The following FAM227B variants were observed in gnomAD, a reference collection of about 807,000 sequenced individuals.
FAM227B encodes family with sequence similarity 227 member B, also known as protein FAM227B.
A neutral mutation model predicts 73.8 loss-of-function variants in FAM227B; 88 were observed. That is an observed-to-expected ratio of 1.19 (90% CI 1.00 to 1.42). The LOEUF (loss-of-function observed/expected upper bound fraction) is 1.42, where lower values mean the gene tolerates loss of function less well. Among genes scored for constraint, FAM227B ranks in the 40% most tolerant of loss-of-function variants. FAM227B has a pLI of 0.00. For missense variants in FAM227B, 632 were observed against 590.9 expected, an observed-to-expected ratio of 1.07 and a Z score of -0.72; for synonymous variants, 210 against 190.5, an observed-to-expected ratio of 1.10 and a Z score of -0.84.
chr15:49,341,112 CATCAGTCTATGTG>C (rs2040659692), intron 13 of FAM227B, among the ~76,000 whole-genome samples: 1 of 152,132 alleles, frequency 6.6e-6, no homozygotes, highest in African/African-American at 2.4e-5. Context: ...TATTCTGTTT[CATCAGTCTATGTG>C]TCTGTTGTTG....
chr15:49,495,374 C>A (rs2057507726), intron 11 of FAM227B, among the ~76,000 whole-genome samples: 1 of 152,062 alleles, frequency 6.6e-6, no homozygotes, highest in African/African-American at 2.4e-5. Context: ...AAATTTCTAC[C>A]AAATTTCCGG....
intron 3 of FAM227B, among the ~76,000 whole-genome samples, chr15:49,594,574 T>G (rs769791925): frequency 6.6e-6 from 1 of 152,198 alleles, no homozygotes; most frequent in East Asian, 1.9e-4. Flanking sequence ...ACTTAAGTCT[T>G]TGATCCATCT....
intron 11 of FAM227B, among the ~76,000 whole-genome samples, chr15:49,451,798 A>C (rs1435958264): frequency 6.6e-6 from 1 of 152,198 alleles, no homozygotes; most frequent in East Asian, 1.9e-4. Context: ...AGTAATACTT[A>C]TATAGCAATC....
intron 11 of FAM227B, among the ~76,000 whole-genome samples, chr15:49,426,933 T>G (rs1157926556): frequency 1.3e-5 from 2 of 151,998 alleles, no homozygotes; most frequent in African/African-American, 4.8e-5. Flanking sequence ...AAAACTGTCG[T>G]AAGGTTATGT....
At position 49,471,228 on chromosome 15, in the gene FAM227B, G is replaced by A. The variant is rs35308947; in HGVS notation, c.1012+36983C>T. On this transcript the variant is annotated intron_variant, in intron 11 of 15. Transcript: ENST00000299338. ...AGGCCGGATACAGTGACTCGTGCCT[G>A]TAATCCCAGCACTTTGGGAGGCCGA... Among the ~76,000 whole-genome samples the A allele has an allele frequency of 4.6e-3, 677 of 147,764 alleles. 4 individuals carry two copies. Among genetic ancestry groups the A allele is most frequent in the Admixed American group, 0.01 (149 of 14,334 alleles).
At chr15:49,473,229 C>T (rs11854671) in intron 11 of FAM227B, among the ~76,000 whole-genome samples, 38,545 of 151,966 alleles carry the variant, frequency 0.25, 5,747 homozygotes, top group Non-Finnish European at 0.35. Flanking sequence ...GTTTAGTTAA[C>T]TCATCCTTTT....
chr15:49,329,369 T>G, intron 15 of FAM227B: 21 of 985,320 alleles, frequency 2.1e-5, no homozygotes, highest in Non-Finnish European at 2.5e-5. Flanking sequence ...GCTGAAATAC[T>G]CAGGTAATTG....
At chr15:49,521,238 G>A (rs949343205) in intron 10 of FAM227B, among the ~76,000 whole-genome samples, 7 of 152,182 alleles carry the variant, frequency 4.6e-5, no homozygotes, top group African/African-American at 1.7e-4. Context: ...GGCAATCACA[G>A]GGGACCAGCC....
At chr15:49,445,597 T>C (rs1267248332) in intron 11 of FAM227B, among the ~76,000 whole-genome samples, 2 of 151,586 alleles carry the variant, frequency 1.3e-5, no homozygotes, top group Admixed American at 1.3e-4. Context: ...CCTGCTCTGA[T>C]CACTATACAC....
intron 2 of FAM227B, among the ~76,000 whole-genome samples, chr15:49,612,047 T>G (rs1016864046): frequency 2.0e-5 from 3 of 151,878 alleles, no homozygotes; most frequent in Non-Finnish European, 2.9e-5. Flanking sequence ...TTTTTTTTTT[T>G]TAATTTGGTA....
intron 10 of FAM227B, among the ~76,000 whole-genome samples, chr15:49,532,872 A>G (rs551764944): frequency 1.5e-3 from 232 of 152,104 alleles, no homozygotes; most frequent in African/African-American, 5.3e-3. Flanking sequence ...CTTTACAAAT[A>G]TTTGTAGGTA....
At chr15:49,336,732 G>C (rs900808042) in intron 13 of FAM227B, among the ~76,000 whole-genome samples, 4 of 151,888 alleles carry the variant, frequency 2.6e-5, no homozygotes, top group African/African-American at 9.7e-5. Flanking sequence ...TTAGATCCAG[G>C]GGTTACATGG....
intron 15 of FAM227B, 195 bp from the exon 16 acceptor site, chr15:49,328,870 A>ATTCT (rs1039835148): frequency 1.3e-5 from 17 of 1,336,044 alleles, no homozygotes; most frequent in Middle Eastern, 5.5e-4. Flanking sequence ...ACCACTTTCA[A>ATTCT]TTCTTTTGGC....
chr15:49,357,401 A>C (rs1417197980), intron 13 of FAM227B, among the ~76,000 whole-genome samples: 2 of 150,300 alleles, frequency 1.3e-5, no homozygotes, highest in Non-Finnish European at 3.0e-5. Context: ...GATAAAGGGG[A>C]TATCACCACC....
intron 4 of FAM227B, among the ~76,000 whole-genome samples, chr15:49,588,546 ACTATAT>A (rs1190923091): frequency 1.7e-4 from 7 of 41,482 alleles, no homozygotes; most frequent in South Asian, 8.0e-4. Context: ...CATATTGAGG[ACTATAT>A]ATATATATAT....
At chr15:49,540,547 G>C (rs558984399) in intron 10 of FAM227B, among the ~76,000 whole-genome samples, 1 of 152,122 alleles carries the variant, frequency 6.6e-6, no homozygotes, top group Non-Finnish European at 1.5e-5. Flanking sequence ...AATCCACCGT[G>C]TTGCTCATAT....
chr15:49,359,587 C>CTG (rs1412984959), intron 13 of FAM227B, among the ~76,000 whole-genome samples: 1 of 118,262 alleles, frequency 8.5e-6, no homozygotes, highest in Non-Finnish European at 1.9e-5. Context: ...AGTCAGGAAA[C>CTG]AACAGGTGCT....
At chr15:49,494,256 A>AAC (rs374477211) in intron 11 of FAM227B, among the ~76,000 whole-genome samples, 2,201 of 140,672 alleles carry the variant, frequency 0.016, 41 homozygotes, top group East Asian at 0.12. Context: ...GAGACACACA[A>AAC]ACACACACAC....
In FAM227B at chr15:49,335,479, T is replaced by A. The variant is rs1264196330; in HGVS notation, c.1289A>T (p.Tyr430Phe). 1.2e-6 allele frequency: 2 copies of A among 1,613,280 alleles called. No homozygotes were observed. Among genetic ancestry groups the A allele is most frequent in the African/African-American group, 2.7e-5 (2 of 74,916 alleles). Residue 430 changes from tyrosine to phenylalanine, a missense_variant, in exon 14 of 16, where the codon TAC becomes TTC. Coordinates refer to ENST00000299338, the MANE Select transcript of FAM227B (RefSeq NM_152647.3). ...TTTTGCCTCCTTTATAACATCACGG[T>A]ATGTTGGAGCAGGTAGTGTGCTAGG... ...IFQEPLPAPTYRDVIKEAKRQ... is the reference protein window; with the variant it reads ...IFQEPLPAPTFRDVIKEAKRQ...
Sources: allele counts gnomAD v4.1 joint callset (sites outside exome capture counted in the v4.1 genomes callset), GRCh38; gene constraint gnomAD v4.1.1; transcripts MANE v1.5; gene names NCBI Gene and HGNC (gene_info 2026-07-23, HGNC 2026-07-21).